SGIP1: variants seen among roughly 807,000 people sequenced by gnomAD.
The protein encoded by SGIP1 is SH3GL interacting endocytic adaptor 1.
Under a neutral mutation model 107.5 loss-of-function variants are expected in SGIP1, and 38 were observed. The ratio of observed to expected loss-of-function variants is 0.35; its 90% confidence interval spans 0.27 to 0.46. SGIP1 has a LOEUF of 0.46. SGIP1 is among the 20% of genes least tolerant of loss of function. The pLI, the probability that SGIP1 is intolerant of heterozygous loss-of-function variation, is 1.00. For missense variants in SGIP1, 929 were observed against 1,019.5 expected (o/e 0.91, Z 1.21); for synonymous variants, 365 against 366.1 (o/e 1.00, Z 0.03).
In SGIP1 at chr1:66,689,238, C is replaced by T. The variant is rs1214866121; in HGVS notation, c.1406C>T (p.Pro469Leu). The change falls in exon 16 of 25, where the codon CCA (proline) becomes CTA (leucine). Residue 469 changes from proline (P) to leucine (L), a missense_variant. Transcript: ENST00000371037. ...CCTCCTCCCCGGCCTCCATCCCGGC[C>T]AAAGCTACCTCCAGGAAAACCTGGA... ...PPPPPRPPSR[P>L]KLPPGKPGVG... 1 of 1,613,660 alleles carries T rather than the reference C, an allele frequency of 6.2e-7. No individual in the cohort carries two copies. Among genetic ancestry groups the T allele is most frequent in the African/African-American group, 1.3e-5 (1 of 74,884 alleles).
chr1:66,628,777 G>A (rs1476184371), intron 2 of SGIP1, among the ~76,000 whole-genome samples: 1 of 152,146 alleles, frequency 6.6e-6, no homozygotes, highest in East Asian at 1.9e-4. Flanking sequence ...TCACAGCTAC[G>A]GGTAGAGGCC....
intron 18 of SGIP1, among the ~76,000 whole-genome samples, chr1:66,717,352 G>A (rs542404631): frequency 6.6e-6 from 1 of 152,206 alleles, no homozygotes; most frequent in African/African-American, 2.4e-5. Context: ...ACAAAATAAT[G>A]GCCTGTGTTT....
At chr1:66,535,542 G>T (rs1349838893) in intron 1 of SGIP1, among the ~76,000 whole-genome samples, 1 of 152,192 alleles carries the variant, frequency 6.6e-6, no homozygotes, top group Admixed American at 6.5e-5. Context: ...TGCTCTCCCT[G>T]TCATCATGTC....
chr1:66,704,575 C>T (rs535557420), intron 18 of SGIP1: 2 of 152,154 alleles, frequency 1.3e-5, no homozygotes, highest in Non-Finnish European at 2.9e-5. Context: ...GCTGAGAATT[C>T]CAGGGGGAAA....
rs571317458 is a variant in SGIP1, at chr1:66,587,536, A to C, written c.11-38311A>C. ...TTCTAATCCAATCCCTGCAGTGTTT[A>C]TATGACTTTTTTGGGGCCTCTTGTT... On this transcript the variant is annotated intron_variant, in intron 1 of 24. Coordinates refer to ENST00000371037, the MANE Select transcript of SGIP1 (RefSeq NM_032291.4). Among the ~76,000 whole-genome samples, 3 of 152,248 alleles carry C rather than the reference A, an allele frequency of 2.0e-5. No individual in the cohort carries two copies. The South Asian group carries it at 6.2e-4, about 32-fold the overall frequency.
chr1:66,587,999 G>A (rs2062907429), intron 1 of SGIP1, among the ~76,000 whole-genome samples: 1 of 152,040 alleles, frequency 6.6e-6, no homozygotes, highest in Non-Finnish European at 1.5e-5. Flanking sequence ...ACAATAACAA[G>A]AAGGGCAACA....
At chr1:66,578,918 T>C (rs1178311689) in intron 1 of SGIP1, among the ~76,000 whole-genome samples, 1 of 152,140 alleles carries the variant, frequency 6.6e-6, no homozygotes, top group African/African-American at 2.4e-5. Context: ...AGATCCACCC[T>C]CCTCTGCTCC....
chr1:66,736,686 T>G, intron 21 of SGIP1, among the ~76,000 whole-genome samples: 2 of 150,850 alleles, frequency 1.3e-5, no homozygotes, highest in Admixed American at 1.3e-4. Flanking sequence ...TAAATATACA[T>G]ATATGTATTT....
rs548360145 is a variant in SGIP1, at chr1:66,749,867, A to AT, written c.*6779dup. On this transcript the variant is annotated 3_prime_UTR_variant, in exon 25 of 25. Transcript: ENST00000371037. ...CCACTGTCCCAAGATCCAAAGTCAG[A>AT]TTTTTTTCCCTTTTCAAGTTGCTAG... 1.7e-4 allele frequency among the ~76,000 whole-genome samples: 26 copies of AT among 152,176 alleles called. 1 individual carries two copies. The South Asian group carries it at 4.4e-3, about 25-fold the overall frequency.
rs1218695422 is a variant in SGIP1, at chr1:66,682,050, A to G, written c.996A>G (p.Lys332=). 1 of 1,614,192 alleles carries G rather than the reference A, an allele frequency of 6.2e-7. No homozygotes were observed. Among genetic ancestry groups the G allele is most frequent in the Admixed American group, 1.7e-5 (1 of 60,022 alleles). ...HVTPELTPRE[K]VVSPPATPDN... ...CTCCGGAGTTGACTCCAAGGGAAAA[A>G]GTGGTGTCCCCACCAGCTACACCAG... is the stretch of plus-strand genomic sequence containing the variant. Residue 332 remains lysine (K), a synonymous_variant, in exon 15 of 25, where the codon AAA becomes AAG. Transcript: ENST00000371037.
At chr1:66,696,875 AT>A (rs1349731776) in intron 18 of SGIP1, among the ~76,000 whole-genome samples, 2 of 152,192 alleles carry the variant, frequency 1.3e-5, no homozygotes, top group Admixed American at 1.3e-4. Flanking sequence ...GTGCCCAGGT[AT>A]TTTTTACTAA....
rs867374482 is a variant in SGIP1 at position 66,616,735 on chromosome 1, G to A, written c.11-9112G>A. The stretch of plus-strand genomic sequence containing the variant: ...TTAATATTGGCACAGCAAACACCAA[G>A]TCCTTTTGTAGCAAACCTATTTCAT... On this transcript the variant is annotated intron_variant, in intron 1 of 24. Coordinates refer to ENST00000371037, the MANE Select transcript of SGIP1 (RefSeq NM_032291.4). Among the ~76,000 whole-genome samples, 8 of 152,250 alleles carry A rather than the reference G, an allele frequency of 5.3e-5. No homozygotes were observed. In the South Asian group the frequency reaches 6.2e-4, roughly 12 times the overall value.
At chr1:66,578,366 A>G (rs1047147540) in intron 1 of SGIP1, among the ~76,000 whole-genome samples, 7 of 152,208 alleles carry the variant, frequency 4.6e-5, no homozygotes, top group African/African-American at 1.7e-4. Context: ...TTAGGAGTTT[A>G]TAAGCTGCTC....
rs766882838 is a variant in SGIP1, at chr1:66,643,732, T to G, written c.459+13T>G. 1 of 1,591,532 alleles carries G rather than the reference T, an allele frequency of 6.3e-7. No homozygotes were observed. The highest frequency in any genetic ancestry group is 8.5e-7 in the Non-Finnish European group (1 of 1,171,294). Reference sequence around the variant, plus strand: ...CCCATCACCAGTGGTGAGTGTTGTGTGTGTGTGTGTTAAGCTTTAGTGAGA... The same window carrying G: ...CCCATCACCAGTGGTGAGTGTTGTGGGTGTGTGTGTTAAGCTTTAGTGAGA... On this transcript the variant is annotated intron_variant, in intron 7 of 24. Coordinates refer to ENST00000371037, the MANE Select transcript of SGIP1 (RefSeq NM_032291.4).
intron 1 of SGIP1, among the ~76,000 whole-genome samples, chr1:66,595,682 G>A (rs1228508702): frequency 6.6e-5 from 10 of 152,078 alleles, no homozygotes; most frequent in Non-Finnish European, 1.2e-4. Flanking sequence ...TGTGCATTAA[G>A]AGTGATTAAT....
chr1:66,644,056 C>T (rs2077228291), intron 7 of SGIP1: 1 of 159,276 alleles, frequency 6.3e-6, no homozygotes, highest in African/African-American at 2.4e-5. Context: ...ACATGAAGTT[C>T]ACAGATTTGC....
intron 8 of SGIP1, among the ~76,000 whole-genome samples, chr1:66,663,990 A>T (rs1248354195): frequency 6.6e-6 from 1 of 152,130 alleles, no homozygotes; most frequent in Non-Finnish European, 1.5e-5. Flanking sequence ...AATGCTTGCA[A>T]TCTAGACTCT....
intron 8 of SGIP1, 132 bp downstream of exon 8, chr1:66,660,656 G>A (rs2081288531): frequency 1.1e-6 from 1 of 895,036 alleles, no homozygotes; most frequent in Non-Finnish European, 1.8e-6. Flanking sequence ...AAATCTTTGC[G>A]AACCATGACC....
At chr1:66,660,145 GAGAA>G (rs71575496) in intron 7 of SGIP1, 5,645 of 42,170 alleles carry the variant, frequency 0.13, 532 homozygotes, top group Non-Finnish European at 0.16. Context: ...AGAAAGAAGA[GAGAA>G]AGAAAGAAAG....
Sources: allele counts gnomAD v4.1 joint callset (sites outside exome capture counted in the v4.1 genomes callset), GRCh38; gene constraint gnomAD v4.1.1; transcripts MANE v1.5; gene names NCBI Gene and HGNC (gene_info 2026-07-23, HGNC 2026-07-21).